Variants in MAPKAPK5 observed in about 807,000 individuals in gnomAD.
The protein encoded by MAPKAPK5 is MAP kinase-activated protein kinase 5.
A neutral mutation model predicts 65.1 loss-of-function variants in MAPKAPK5; 30 were observed. The observed-to-expected ratio is 0.46, with a 90% CI of 0.34 to 0.63. MAPKAPK5 has a LOEUF of 0.63. Ranked by LOEUF, MAPKAPK5 falls within the 20% of genes least tolerant of loss-of-function variation. MAPKAPK5 has a pLI of 0.01. For missense variants in MAPKAPK5, 433 were observed against 581.4 expected (o/e 0.74, Z 2.63); for synonymous variants, 179 against 204.6 (o/e 0.87, Z 1.07).
intron 8 of MAPKAPK5, among the ~76,000 whole-genome samples, chr12:111,881,802 G>A (rs1353732122): frequency 6.6e-6 from 1 of 152,198 alleles, no homozygotes; most frequent in South Asian, 2.1e-4. Context: ...GCTACTTGGG[G>A]ACTTGAGGCT....
intron 1 of MAPKAPK5, among the ~76,000 whole-genome samples, chr12:111,862,648 C>G (rs767973428): frequency 6.6e-6 from 1 of 152,086 alleles, no homozygotes; most frequent in Non-Finnish European, 1.5e-5. Context: ...GGCCAGATCA[C>G]GCCATTGTGC....
At chr12:111,848,988 T>C (rs1398036845) in intron 1 of MAPKAPK5, among the ~76,000 whole-genome samples, 1 of 152,184 alleles carries the variant, frequency 6.6e-6, no homozygotes, top group Non-Finnish European at 1.5e-5. Flanking sequence ...GGTCTCGTAC[T>C]TCTGACCTCA....
rs2070549688 is a variant in MAPKAPK5 at position 111,889,988 on chromosome 12, A to G, written c.1217-52A>G. 5 of 1,156,440 alleles carry G rather than the reference A, an allele frequency of 4.3e-6. No individual in the cohort carries two copies. The Admixed American group carries it at 6.0e-5, about 14-fold the overall frequency. The allele number at this position is 1,156,440 out of a possible 1,614,324, so 71.6% of individuals were successfully genotyped here. A position where few individuals can be genotyped will look rare whatever the true frequency, so the allele number is the denominator to read the frequency against. ...ACGTCCCTCCATCTCTCACACTAAA[A>G]CCCCATGATGCTGCAGGAAAAATGC... On this transcript the variant is annotated intron_variant, in intron 12 of 13. Coordinates refer to ENST00000550735, the MANE Select transcript of MAPKAPK5 (RefSeq NM_003668.4).
At chr12:111,886,293 C>G (rs1157997240) in intron 10 of MAPKAPK5, among the ~76,000 whole-genome samples, 2 of 152,178 alleles carry the variant, frequency 1.3e-5, no homozygotes, top group African/African-American at 2.4e-5. Context: ...GGGCTGCGGG[C>G]ACAGAACAGT....
chr12:111,855,237 T>C (rs1238526173), intron 1 of MAPKAPK5, among the ~76,000 whole-genome samples: 1 of 152,182 alleles, frequency 6.6e-6, no homozygotes, highest in Non-Finnish European at 1.5e-5. Context: ...TTGGTTTTCA[T>C]TGATTTTCTC....
At chr12:111,842,919 C>T (rs2068765553) in intron 1 of MAPKAPK5, 150 bp downstream of exon 1, 8 of 675,746 alleles carry the variant, frequency 1.2e-5, no homozygotes, top group Non-Finnish European at 1.5e-5. Flanking sequence ...CGCTTTACAG[C>T]CCTGGGGCCA....
chr12:111,852,272 G>T (rs2069108983), intron 1 of MAPKAPK5, among the ~76,000 whole-genome samples: 1 of 152,088 alleles, frequency 6.6e-6, no homozygotes, highest in Non-Finnish European at 1.5e-5. Flanking sequence ...AGATGTGCCT[G>T]CCTCTCCTGC....
At chr12:111,845,783 T>C (rs757618221) in intron 1 of MAPKAPK5, among the ~76,000 whole-genome samples, 2 of 151,770 alleles carry the variant, frequency 1.3e-5, no homozygotes, top group Non-Finnish European at 2.9e-5. Flanking sequence ...ATTAGCCGAG[T>C]GTGGTGGCAC....
chr12:111,850,471 A>C (rs2069044976), intron 1 of MAPKAPK5, among the ~76,000 whole-genome samples: 1 of 152,214 alleles, frequency 6.6e-6, no homozygotes, highest in Non-Finnish European at 1.5e-5. Flanking sequence ...AAAGTTGGAG[A>C]ATTTAATGCC....
At chr12:111,867,417 C>T (rs1206328237) in intron 3 of MAPKAPK5, among the ~76,000 whole-genome samples, 155 bp from the exon 4 acceptor site, 1 of 152,112 alleles carries the variant, frequency 6.6e-6, no homozygotes, top group Non-Finnish European at 1.5e-5. Context: ...ATGGAAAAAG[C>T]ATTAAGGAGA....
intron 1 of MAPKAPK5, among the ~76,000 whole-genome samples, chr12:111,846,272 T>C (rs2068903829): frequency 1.3e-5 from 2 of 152,190 alleles, no homozygotes; most frequent in Admixed American, 6.5e-5. Flanking sequence ...TGGTGAGCAC[T>C]GAGACAAACC....
At chr12:111,866,898 G>A (rs1022028394) in intron 3 of MAPKAPK5, among the ~76,000 whole-genome samples, 3 of 152,142 alleles carry the variant, frequency 2.0e-5, no homozygotes, top group Admixed American at 6.5e-5. Flanking sequence ...CACTGTGCCC[G>A]GCCTTTAGTT....
rs2070978295 is a variant in MAPKAPK5 at position 111,900,131 on chromosome 12, AATAG to A, written c.*7073_*7076del. 1 of 455,928 alleles carries A rather than the reference AATAG, an allele frequency of 2.2e-6. No individual in the cohort carries two copies. The highest frequency in any genetic ancestry group is 4.4e-6 in the Non-Finnish European group (1 of 226,790). The allele number at this position is 455,928 out of a possible 1,614,324, so 28.2% of individuals were successfully genotyped here. A position where few individuals can be genotyped will look rare whatever the true frequency, so the allele number is the denominator to read the frequency against. ...TGGAGATTTGGACCGAGGGGGACCTAATAGATGTCACAGTGGACTTGCAAATCAC... is the reference window on the plus strand; with the variant it reads ...TGGAGATTTGGACCGAGGGGGACCTAATGTCACAGTGGACTTGCAAATCAC... On this transcript the variant is annotated 3_prime_UTR_variant, in exon 14 of 14. Transcript: ENST00000550735.
intron 1 of MAPKAPK5, among the ~76,000 whole-genome samples, chr12:111,850,898 T>C (rs2069058323): frequency 7.2e-6 from 1 of 139,594 alleles, no homozygotes; most frequent in Non-Finnish European, 1.5e-5. Context: ...GAACCCATTT[T>C]CTTTTTTTTT....
At chr12:111,847,221 G>A (rs1186191872) in intron 1 of MAPKAPK5, among the ~76,000 whole-genome samples, 3 of 151,768 alleles carry the variant, frequency 2.0e-5, no homozygotes, top group Non-Finnish European at 2.9e-5. Flanking sequence ...GGTGGCAGGT[G>A]TCTGTAGTCC....
chr12:111,867,037 C>T (rs1265469794), intron 3 of MAPKAPK5, among the ~76,000 whole-genome samples: 1 of 152,148 alleles, frequency 6.6e-6, no homozygotes, highest in Non-Finnish European at 1.5e-5. Context: ...TCAAGTGATC[C>T]TTCTACCTCA....
rs1190797749 is a variant in MAPKAPK5, at chr12:111,883,438, C to T, written c.661-143C>T. 2 of 633,038 alleles carry T rather than the reference C, an allele frequency of 3.2e-6. No individual in the cohort carries two copies. Among genetic ancestry groups the T allele is most frequent in the Admixed American group, 2.8e-5 (1 of 36,168 alleles). 39.2% of individuals were successfully genotyped at this position (633,038 alleles called of 1,614,324 possible). ...ATAAAGACTAGTTCTCCTAAGACTT[C>T]CTTCAGCTTTCCTAGTCTCTGTTAA... On this transcript the variant is annotated intron_variant, in intron 8 of 13. Coordinates refer to ENST00000550735, the MANE Select transcript of MAPKAPK5 (RefSeq NM_003668.4). The surrounding 1 kb of genome is among the most constrained non-coding windows in gnomAD (Gnocchi z 4.8).
At chr12:111,867,428 T>C (rs892331756) in intron 3 of MAPKAPK5, 144 bp from the exon 4 acceptor site, 2 of 554,006 alleles carry the variant, frequency 3.6e-6, no homozygotes, top group Admixed American at 3.3e-5. Context: ...ATTAAGGAGA[T>C]AATCTTTGAA....
chr12:111,876,893 C>T (rs1460440839), intron 7 of MAPKAPK5, among the ~76,000 whole-genome samples: 2 of 144,854 alleles, frequency 1.4e-5, no homozygotes, highest in Non-Finnish European at 3.0e-5. Context: ...CATACTAATA[C>T]ACATTCTTAC....
Sources: allele counts gnomAD v4.1 joint callset (sites outside exome capture counted in the v4.1 genomes callset), GRCh38; gene constraint gnomAD v4.1.1; non-coding constraint Gnocchi (gnomAD v3.1); transcripts MANE v1.5; gene names NCBI Gene and HGNC (gene_info 2026-07-23, HGNC 2026-07-21).